Variants in SARS1 observed in about 807,000 individuals in gnomAD.
SARS1 encodes serine--tRNA ligase, cytoplasmic.
Under a neutral mutation model 63.7 loss-of-function variants are expected in SARS1, and 25 were observed. The observed-to-expected ratio is 0.39, with a 90% confidence interval of 0.29 to 0.55. The LOEUF is 0.55. SARS1 is among the 20% of genes least tolerant of loss of function. The pLI is 0.62. For synonymous variants in SARS1, 231 were observed against 243.5 expected, an observed-to-expected ratio of 0.95 and a Z score of 0.48; for missense variants, 417 against 649.7, an observed-to-expected ratio of 0.64 and a Z score of 3.89.
In SARS1 at chr1:109,219,720, A is replaced by G. The variant is rs982006323; in HGVS notation, c.137-4258A>G. 3.3e-5 allele frequency among the ~76,000 whole-genome samples: 5 copies of G among 152,016 alleles called. No homozygotes were observed. In the East Asian group the frequency reaches 9.7e-4, roughly 29 times the overall value. On this transcript the variant is annotated intron_variant, in intron 1 of 10. Coordinates refer to ENST00000234677, the MANE Select transcript of SARS1 (RefSeq NM_006513.4). The stretch of plus-strand genomic sequence containing the variant: ...ATTAGAGCTGGGGTTTCACCATGTT[A>G]GCCAGGATGGTCTTGATCTCCTGAC...
At position 109,235,473 on chromosome 1, in the gene SARS1, C is replaced by T. The variant is rs1157766880; in HGVS notation, c.969+42C>T. 4.0e-6 allele frequency: 6 copies of T among 1,497,352 alleles called. No homozygotes were observed. In the Admixed American group the frequency reaches 1.0e-4, roughly 26 times the overall value. 92.8% of individuals were successfully genotyped at this position (1,497,352 alleles called of 1,614,324 possible). ...GGGTAAGGAGTGGAACTTTCTCTGT[C>T]TCCAGAATGGTTAGATGAGAGATAG... is the stretch of plus-strand genomic sequence containing the variant. On this transcript the variant is annotated intron_variant, in intron 7 of 10. Coordinates refer to ENST00000234677, the MANE Select transcript of SARS1 (RefSeq NM_006513.4). This position sits in a 1 kb window ranked among gnomAD's most constrained non-coding sequence, Gnocchi z 4.7.
At chr1:109,231,068 A>AATAT (rs55823508) in intron 5 of SARS1, 47 bp downstream of exon 5, 1 of 931,152 alleles carries the variant, frequency 1.1e-6, no homozygotes, top group Non-Finnish European at 1.4e-6. Context: ...AAAGAAACAA[A>AATAT]ATATATATAT....
intron 2 of SARS1, among the ~76,000 whole-genome samples, chr1:109,226,303 A>T (rs1655067804): frequency 6.6e-6 from 1 of 150,474 alleles, no homozygotes; most frequent in Non-Finnish European, 1.5e-5. Context: ...TGTGTAATGA[A>T]CCTAAAGGAT....
Position 109,237,146 on chromosome 1 carries a change from G to A in SARS1, c.1258-98G>A. On this transcript the variant is annotated intron_variant, in intron 9 of 10. Coordinates refer to ENST00000234677, the MANE Select transcript of SARS1 (RefSeq NM_006513.4). This position sits in a 1 kb window ranked among gnomAD's most constrained non-coding sequence, Gnocchi z 4.1. ...ACCCATCATTTTGATTTGGACAGTTGTGGTTGGGGAAGTCTGGTTGAATGG... is the reference window on the plus strand; with the variant it reads ...ACCCATCATTTTGATTTGGACAGTTATGGTTGGGGAAGTCTGGTTGAATGG... The A allele has an allele frequency of 6.6e-7, 1 of 1,509,268 alleles. No individual in the cohort carries two copies. The highest frequency in any genetic ancestry group is 8.9e-7 in the Non-Finnish European group (1 of 1,124,346). 93.5% of individuals were successfully genotyped at this position (1,509,268 alleles called of 1,614,324 possible).
At chr1:109,227,746 C>CA (rs75421685) in intron 2 of SARS1, among the ~76,000 whole-genome samples, 5,161 of 124,400 alleles carry the variant, frequency 0.041, 283 homozygotes, top group African/African-American at 0.13. Context: ...ATTAAAAATA[C>CA]AAAAAAAAAA....
At chr1:109,229,347 C>T (rs955363429) in intron 3 of SARS1, 67 bp from the exon 4 acceptor site, 10 of 1,529,514 alleles carry the variant, frequency 6.5e-6, no homozygotes, top group South Asian at 3.6e-5. Context: ...TTAGGGCAAC[C>T]GAATCATATT....
At chr1:109,223,162 G>A (rs1349629246) in intron 1 of SARS1, among the ~76,000 whole-genome samples, 1 of 152,224 alleles carries the variant, frequency 6.6e-6, no homozygotes, top group East Asian at 1.9e-4. Context: ...GTTAGTGCCT[G>A]TCTTCCCCCA....
chr1:109,230,301 G>A (rs1376730375), intron 4 of SARS1, among the ~76,000 whole-genome samples: 2 of 152,026 alleles, frequency 1.3e-5, no homozygotes, highest in Non-Finnish European at 2.9e-5. Flanking sequence ...AAAAACCCCC[G>A]AGAGAATGCT....
In SARS1 at chr1:109,214,138, G is replaced by C. The variant is rs979467986; in HGVS notation, c.136+10G>C. 6.2e-7 allele frequency: 1 copy of C among 1,612,666 alleles called. No homozygotes were observed. Among genetic ancestry groups the C allele is most frequent in the South Asian group, 1.1e-5 (1 of 90,992 alleles). ...AGCGAGTGGCGACGATGTAAGTACC[G>C]GGACGGGCGGGTTACCTCCTTGATG... On this transcript the variant is annotated intron_variant, in intron 1 of 10. Transcript: ENST00000234677. This position sits in a 1 kb window ranked among gnomAD's most constrained non-coding sequence, Gnocchi z 4.6.
rs949694152 is a variant in SARS1 at position 109,216,992 on chromosome 1, A to G, written c.136+2864A>G. 2.9e-5 allele frequency: 29 copies of G among 985,322 alleles called. No homozygotes were observed. The African/African-American group carries it at 3.5e-4, about 12-fold the overall frequency. 61.0% of individuals were successfully genotyped at this position (985,322 alleles called of 1,614,324 possible). A position where few individuals can be genotyped will look rare whatever the true frequency, so the allele number is the denominator to read the frequency against. On this transcript the variant is annotated intron_variant, in intron 1 of 10. Transcript: ENST00000234677. ...ACAGGTCCTTATCATTGTTTGCCCC[A>G]GCAACTGGAATAGCTTTCTATCTGC...
At position 109,236,024 on chromosome 1, in the gene SARS1, G is replaced by A. The variant is rs1177768012; in HGVS notation, c.1017G>A (p.Glu339=). The part of the protein sequence containing the change: ...YSSPHDNKSW[E]MFEEMITTAE... ...CACCCCATGACAACAAGTCATGGGA[G>A]ATGTTTGAAGAGATGATTACCACCG... The change falls in exon 8 of 11, where the codon GAG becomes GAA. Residue 339 remains glutamate, a synonymous_variant. Transcript: ENST00000234677. 6.2e-7 allele frequency: 1 copy of A among 1,613,656 alleles called. No homozygotes were observed. Among genetic ancestry groups the A allele is most frequent in the Non-Finnish European group, 8.5e-7 (1 of 1,179,734 alleles).
Position 109,224,004 on chromosome 1 carries a change from A to C in SARS1, c.163A>C (p.Lys55Gln). The C allele has an allele frequency of 6.2e-7, 1 of 1,613,750 alleles. No individual in the cohort carries two copies. Among genetic ancestry groups the C allele is most frequent in the Non-Finnish European group, 8.5e-7 (1 of 1,179,694 alleles). The change falls in exon 2 of 11, where the codon AAG becomes CAG. Residue 55 changes from lysine to glutamine, a missense_variant. Around this residue, in one of 3 missense-constraint regions of SARS1, gnomAD observed 359 missense variants for 529.6 expected, o/e 0.68. Transcript: ENST00000234677. ...TAGATTTCGGGCAGACAACTTGAAC[A>C]AGCTGAAGAACCTATGCAGCAAGAC... Reference protein sequence around the residue: ...RCRFRADNLNKLKNLCSKTIG... With the variant: ...RCRFRADNLNQLKNLCSKTIG...
intron 1 of SARS1, among the ~76,000 whole-genome samples, chr1:109,222,975 A>G (rs1654982546): frequency 6.6e-6 from 1 of 152,246 alleles, no homozygotes; most frequent in African/African-American, 2.4e-5. Context: ...AGGTCGTGCC[A>G]CTGCACTCCA....
At position 109,236,480 on chromosome 1, in the gene SARS1, A is replaced by T; in HGVS notation, c.1189A>T (p.Asn397Tyr). 1 of 1,607,368 alleles carries T rather than the reference A, an allele frequency of 6.2e-7. No individual in the cohort carries two copies. The change falls in exon 9 of 11, where the codon AAT (asparagine) becomes TAT (tyrosine). Residue 397 changes from asparagine (N) to tyrosine (Y), a missense_variant. Physicochemically the swap from Asn to Tyr is moderately radical, Grantham distance 143 (BLOSUM62 -2). Coordinates refer to ENST00000234677, the MANE Select transcript of SARS1 (RefSeq NM_006513.4). The stretch of plus-strand genomic sequence containing the variant: ...CTTCCGTGAGTTGGTCTCCTGTTCT[A>T]ATTGCACGGATTACCAGGCTCGCCG... ...GAFRELVSCS[N>Y]CTDYQARRLR...
At chr1:109,231,083 A>AT (rs61633547) in intron 5 of SARS1, 62 bp downstream of exon 5, 2,114 of 679,734 alleles carry the variant, frequency 3.1e-3, no homozygotes, top group East Asian at 0.02. Context: ...ATATATATAT[A>AT]TTTTTTTTTT....
chr1:109,227,312 A>G (rs181432972), intron 2 of SARS1, among the ~76,000 whole-genome samples: 1 of 152,292 alleles, frequency 6.6e-6, no homozygotes, highest in Admixed American at 6.5e-5. Flanking sequence ...TAATTTAAGA[A>G]GAATTTAACT....
rs1392040311 is a variant in SARS1, at chr1:109,221,996, A to T, written c.137-1982A>T. On this transcript the variant is annotated intron_variant, in intron 1 of 10. Transcript: ENST00000234677. The stretch of plus-strand genomic sequence containing the variant: ...TATATATATATATATATATATATAT[A>T]TATATATATATATATTTTTTTTTTT... Among the ~76,000 whole-genome samples the T allele has an allele frequency of 9.9e-4, 12 of 12,156 alleles. 1 individual carries two copies. The highest frequency in any genetic ancestry group is 5.4e-3 in the East Asian group (1 of 186). 8.0% of individuals were successfully genotyped at this position (12,156 alleles called of 152,430 possible).
intron 1 of SARS1, chr1:109,215,858 C>G (rs1233333948): frequency 3.2e-6 from 1 of 312,838 alleles, no homozygotes; most frequent in Non-Finnish European, 4.6e-6. Context: ...GTGTGCACCA[C>G]CACACCCAGC....
chr1:109,214,928 T>C lies in SARS1; in HGVS notation c.136+800T>C. 1.0e-6 allele frequency: 1 copy of C among 985,458 alleles called. No homozygotes were observed. The highest frequency in any genetic ancestry group is 1.2e-6 in the Non-Finnish European group (1 of 829,948). 61.0% of individuals were successfully genotyped at this position (985,458 alleles called of 1,614,324 possible). A position where few individuals can be genotyped will look rare whatever the true frequency, so the allele number is the denominator to read the frequency against. The stretch of plus-strand genomic sequence containing the variant: ...CCATAGAACCATCTGCCCATAAATC[T>C]CTGCCTGTATTAACTGGAGTGGTCG... On this transcript the variant is annotated intron_variant, in intron 1 of 10. Transcript: ENST00000234677. This position sits in a 1 kb window ranked among gnomAD's most constrained non-coding sequence, Gnocchi z 4.6.
Sources: allele counts gnomAD v4.1 joint callset (sites outside exome capture counted in the v4.1 genomes callset), GRCh38; gene constraint gnomAD v4.1.1; regional missense constraint gnomAD v4.1.1; non-coding constraint Gnocchi (gnomAD v3.1); transcripts MANE v1.5; gene names NCBI Gene and HGNC (gene_info 2026-07-23, HGNC 2026-07-21).